Variants in FN1 observed in about 807,000 individuals in gnomAD.
The protein encoded by FN1 is fibronectin 1.
In FN1, 106 loss-of-function variants were observed where a neutral mutation model predicts 297.3. That is an observed-to-expected ratio of 0.36 (90% CI 0.30 to 0.42). FN1 has a LOEUF of 0.42. FN1 is among the 10% of genes least tolerant of loss of function. FN1 has a pLI of 1.00. For synonymous variants in FN1, 1,149 were observed against 1,152.6 expected (o/e 1.00, Z 0.06); for missense variants, 2,690 against 3,124.9 (o/e 0.86, Z 3.32).
chr2:215,405,341 T>G (rs568063486), intron 19 of FN1, among the ~76,000 whole-genome samples: 18 of 152,354 alleles, frequency 1.2e-4, no homozygotes, highest in Admixed American at 3.9e-4. Context: ...AGCATGGGCT[T>G]CGGACATAGG....
chr2:215,368,544 A>G (rs1227826408), intron 41 of FN1, among the ~76,000 whole-genome samples: 1 of 152,254 alleles, frequency 6.6e-6, no homozygotes, highest in Non-Finnish European at 1.5e-5. Flanking sequence ...GACTTAGAAA[A>G]TGTTCACTAA....
At chr2:215,404,757 G>T (rs2061559170) in intron 19 of FN1, 102 bp from the exon 20 acceptor site, 2 of 1,121,554 alleles carry the variant, frequency 1.8e-6, no homozygotes, top group Non-Finnish European at 2.7e-6. Context: ...TCTCCTCAAG[G>T]TTGTAACTAT....
chr2:215,409,399 A>G (rs1213711597), intron 15 of FN1, among the ~76,000 whole-genome samples, 164 bp downstream of exon 15: 3 of 152,160 alleles, frequency 2.0e-5, no homozygotes, highest in Non-Finnish European at 2.9e-5. Context: ...CTTCTTAGAA[A>G]GAGTCAGTCC....
chr2:215,432,047 T>C, intron 3 of FN1, 83 bp from the exon 4 acceptor site: 1 of 1,551,212 alleles, frequency 6.4e-7, no homozygotes, highest in Non-Finnish European at 8.9e-7. Context: ...TGGTAGGTAC[T>C]TAGGTTGGCT....
At chr2:215,412,248 T>C (rs977393038) in intron 13 of FN1, among the ~76,000 whole-genome samples, 4 of 151,806 alleles carry the variant, frequency 2.6e-5, no homozygotes, top group Non-Finnish European at 4.4e-5. Flanking sequence ...TGAAGCATTC[T>C]AGACTCTACG....
At chr2:215,426,488 G>A (rs7598634) in intron 6 of FN1, among the ~76,000 whole-genome samples, 35,210 of 151,740 alleles carry the variant, frequency 0.23, 4,459 homozygotes, top group African/African-American at 0.28. Context: ...TCTCTTGAAG[G>A]CCAGGGCCCA....
At position 215,376,500 on chromosome 2, in the gene FN1, G is replaced by A; in HGVS notation, c.5885C>T (p.Thr1962Ile). 1.9e-6 allele frequency: 3 copies of A among 1,614,066 alleles called. No homozygotes were observed. Among genetic ancestry groups the A allele is most frequent in the Non-Finnish European group, 2.5e-6 (3 of 1,179,886 alleles). ...IKPDVRSYTITGLQPGTDYKI... is the reference protein window; with the variant it reads ...IKPDVRSYTIIGLQPGTDYKI... The stretch of plus-strand genomic sequence containing the variant: ...GTTAGTGCAATGAGTTCCCTGACCT[G>A]TGATGGTGTAGCTTCTGACATCTGG... The change falls in exon 36 of 46, where the codon ACA becomes ATA. Residue 1962 changes from threonine to isoleucine, a missense_variant and splice_region_variant. Physicochemically the swap from Thr to Ile is moderately conservative, Grantham distance 89. Transcript: ENST00000354785.
rs977561063 is a variant in FN1, at chr2:215,361,241, C to G, written c.*314G>C. On this transcript the variant is annotated 3_prime_UTR_variant, in exon 46 of 46. Transcript: ENST00000354785. Reference sequence around the variant, plus strand: ...TCATATCATTTCAAAACATTTGCATCTTGGTTGGCTGCATATGCTTTCCTA... The same window carrying G: ...TCATATCATTTCAAAACATTTGCATGTTGGTTGGCTGCATATGCTTTCCTA... 2.2e-5 allele frequency: 7 copies of G among 323,262 alleles called. No individual in the cohort carries two copies. In the East Asian group the frequency reaches 4.0e-4, roughly 18 times the overall value. 20.0% of individuals were successfully genotyped at this position (323,262 alleles called of 1,614,324 possible).
chr2:215,432,036 A>T, intron 3 of FN1, 72 bp from the exon 4 acceptor site: 1 of 1,591,958 alleles, frequency 6.3e-7, no homozygotes, highest in South Asian at 1.1e-5. Flanking sequence ...TATTCCACCC[A>T]TGGTAGGTAC....
At chr2:215,390,305 T>G (rs1001947309) in intron 26 of FN1, among the ~76,000 whole-genome samples, 1 of 152,120 alleles carries the variant, frequency 6.6e-6, no homozygotes, top group East Asian at 1.9e-4. Flanking sequence ...CTACCTCAAC[T>G]TCCTACATAG....
intron 23 of FN1, among the ~76,000 whole-genome samples, chr2:215,396,053 C>G (rs2060272506): frequency 6.6e-6 from 1 of 152,220 alleles, no homozygotes; most frequent in South Asian, 2.1e-4. Flanking sequence ...TAGTTTCATT[C>G]TGTGTGTTTG....
chr2:215,374,759 C>T (rs1208555561), intron 38 of FN1, among the ~76,000 whole-genome samples: 1 of 152,224 alleles, frequency 6.6e-6, no homozygotes, highest in African/African-American at 2.4e-5. Context: ...TCCAGGCATT[C>T]TTCCAATGTG....
At chr2:215,392,753 G>T in intron 25 of FN1, 178 bp downstream of exon 25, 1 of 673,826 alleles carries the variant, frequency 1.5e-6, no homozygotes, top group Non-Finnish European at 2.6e-6. Context: ...ATACTTGCAT[G>T]TGTTTTTCTC....
intron 26 of FN1, among the ~76,000 whole-genome samples, chr2:215,388,509 T>C (rs2059311560): frequency 6.6e-6 from 1 of 152,242 alleles, no homozygotes; most frequent in Non-Finnish European, 1.5e-5. Flanking sequence ...CCTTGCCCCA[T>C]GGCCTCTCGA....
chr2:215,380,935 T>C lies in FN1; in HGVS notation c.5310A>G (p.Ala1770=). 1 of 1,614,232 alleles carries C rather than the reference T, an allele frequency of 6.2e-7. No homozygotes were observed. Among genetic ancestry groups the C allele is most frequent in the Non-Finnish European group, 8.5e-7 (1 of 1,180,046 alleles). Residue 1770 remains alanine, a synonymous_variant, in exon 33 of 46, where the codon GCA becomes GCG. Transcript: ENST00000354785. ...CTGCAGTGTCTTCTTCACCATCAGG[T>C]GCAGGGAATAGCTCATGGATTCCAT... The part of the protein sequence containing the change: ...PEDGIHELFP[A]PDGEEDTAEL...
At position 215,365,308 on chromosome 2, in the gene FN1, T is replaced by G. The variant is rs112163563; in HGVS notation, c.7144+197A>C. Among the ~76,000 whole-genome samples, 777 of 152,336 alleles carry G rather than the reference T, an allele frequency of 5.1e-3. 6 individuals are homozygous for G. Among genetic ancestry groups the G allele is most frequent in the African/African-American group, 0.018 (740 of 41,580 alleles). On this transcript the variant is annotated intron_variant, in intron 43 of 45. Transcript: ENST00000354785. ...TACTCAGGTTGGACAAGTGCTAAAG[T>G]GTCCTGTAATAACATTAAATCATGA...
intron 13 of FN1, among the ~76,000 whole-genome samples, chr2:215,413,845 C>G (rs1255934877): frequency 6.6e-6 from 1 of 152,182 alleles, no homozygotes; most frequent in East Asian, 1.9e-4. Flanking sequence ...GTATAGAAGA[C>G]TTTAAAAGTT....
chr2:215,406,590 G>C, intron 18 of FN1, 80 bp from the exon 19 acceptor site: 1 of 1,454,254 alleles, frequency 6.9e-7, no homozygotes. Context: ...GGATATGTTA[G>C]GCAGTTCATT....
At chr2:215,373,285 C>A in intron 39 of FN1, 37 bp downstream of exon 39, 1 of 1,495,752 alleles carries the variant, frequency 6.7e-7, no homozygotes, top group South Asian at 1.1e-5. Flanking sequence ...TTAGTTTTGT[C>A]CTATCTTTCT....
Sources: allele counts gnomAD v4.1 joint callset (sites outside exome capture counted in the v4.1 genomes callset), GRCh38; gene constraint gnomAD v4.1.1; transcripts MANE v1.5; gene names NCBI Gene and HGNC (gene_info 2026-07-23, HGNC 2026-07-21).